The following MYRIP variants were observed in gnomAD, a reference collection of about 807,000 sequenced individuals.
MYRIP encodes myosin VIIA and Rab interacting protein.
A neutral mutation model predicts 98.0 loss-of-function variants in MYRIP; 49 were observed. That is an observed-to-expected ratio of 0.50 (90% CI 0.40 to 0.63). MYRIP has a LOEUF of 0.63. MYRIP is among the 30% of genes least tolerant of loss of function. The probability of loss-of-function intolerance (pLI) is 0.00; values close to 1 mark genes in which losing one functional copy is unlikely to be tolerated. For synonymous variants in MYRIP, 404 were observed against 409.5 expected, an observed-to-expected ratio of 0.99 and a Z score of 0.16; for missense variants, 1,004 against 1,058.2, an observed-to-expected ratio of 0.95 and a Z score of 0.71.
chr3:39,928,535 CA>C (rs1236972227), intron 2 of MYRIP, among the ~76,000 whole-genome samples: 1 of 150,992 alleles, frequency 6.6e-6, no homozygotes, highest in East Asian at 1.9e-4. Context: ...TTTAAAAAAA[CA>C]ATCAATGTAA....
chr3:39,834,562 A>T (rs975867969), intron 1 of MYRIP, among the ~76,000 whole-genome samples: 5 of 152,190 alleles, frequency 3.3e-5, no homozygotes, highest in Admixed American at 3.3e-4. Context: ...TTTGTAGTTC[A>T]TAGCAGTTGC....
At chr3:39,852,707 A>G (rs1358043976) in intron 1 of MYRIP, among the ~76,000 whole-genome samples, 1 of 151,924 alleles carries the variant, frequency 6.6e-6, no homozygotes, top group Non-Finnish European at 1.5e-5. Flanking sequence ...TGTGAATGCC[A>G]CTATTTCTTC....
intron 8 of MYRIP, among the ~76,000 whole-genome samples, chr3:40,178,226 T>C (rs1950811046): frequency 6.6e-6 from 1 of 152,224 alleles, no homozygotes; most frequent in Non-Finnish European, 1.5e-5. Flanking sequence ...ATAGCAATCA[T>C]AGCAACAATC....
At chr3:40,111,845 G>C (rs1489023890) in intron 3 of MYRIP, among the ~76,000 whole-genome samples, 1 of 152,174 alleles carries the variant, frequency 6.6e-6, no homozygotes, top group Non-Finnish European at 1.5e-5. Context: ...TTATTTCCAG[G>C]AGTTGAAGAG....
At chr3:40,160,975 C>T (rs907843421) in intron 4 of MYRIP, among the ~76,000 whole-genome samples, 24 of 152,338 alleles carry the variant, frequency 1.6e-4, no homozygotes, top group Admixed American at 1.2e-3. Flanking sequence ...GCGTCGCTCA[C>T]GCTGGGAGCT....
intron 2 of MYRIP, among the ~76,000 whole-genome samples, chr3:39,992,358 T>TAAA (rs1946200737): frequency 6.6e-6 from 1 of 152,182 alleles, no homozygotes; most frequent in South Asian, 2.1e-4. Context: ...CTGTCATCAT[T>TAAA]AGCAGGTGCT....
intron 12 of MYRIP, among the ~76,000 whole-genome samples, chr3:40,238,325 C>T (rs1156840778): frequency 6.6e-6 from 1 of 152,200 alleles, no homozygotes; most frequent in East Asian, 1.9e-4. Context: ...TCTGCTGCTC[C>T]CGGATGGAAT....
intron 1 of MYRIP, among the ~76,000 whole-genome samples, chr3:39,826,248 A>G (rs1449109247): frequency 6.6e-6 from 1 of 151,684 alleles, no homozygotes; most frequent in Non-Finnish European, 1.5e-5. Flanking sequence ...CTTGAGATAC[A>G]TCGTTAGGTT....
intron 2 of MYRIP, among the ~76,000 whole-genome samples, chr3:39,999,673 T>G (rs925619012): frequency 1.4e-4 from 22 of 152,314 alleles, no homozygotes; most frequent in African/African-American, 5.3e-4. Context: ...ATCCCATTAC[T>G]GGGTATATAC....
chr3:40,034,045 T>A (rs1457089248), intron 2 of MYRIP, among the ~76,000 whole-genome samples: 1 of 152,104 alleles, frequency 6.6e-6, no homozygotes, highest in Non-Finnish European at 1.5e-5. Flanking sequence ...CTGGATCCTT[T>A]CCTTACACCT....
chr3:40,110,745 G>A (rs1445418528), intron 3 of MYRIP, among the ~76,000 whole-genome samples: 3 of 152,046 alleles, frequency 2.0e-5, no homozygotes, highest in Non-Finnish European at 4.4e-5. Flanking sequence ...TCACTCCACA[G>A]CTTCACTGCA....
At chr3:39,905,748 T>C (rs891236021) in intron 2 of MYRIP, among the ~76,000 whole-genome samples, 7 of 152,356 alleles carry the variant, frequency 4.6e-5, no homozygotes, top group African/African-American at 1.4e-4. Context: ...ATAGTTACGA[T>C]TGAAAATATT....
intron 4 of MYRIP, among the ~76,000 whole-genome samples, chr3:40,155,263 T>C (rs1174990727): frequency 2.0e-5 from 3 of 151,816 alleles, no homozygotes; most frequent in Non-Finnish European, 2.9e-5. Flanking sequence ...GTTCCTGCCA[T>C]AGTTTACTGA....
At chr3:39,851,969 G>A (rs940780186) in intron 1 of MYRIP, among the ~76,000 whole-genome samples, 7 of 152,132 alleles carry the variant, frequency 4.6e-5, no homozygotes, top group Non-Finnish European at 8.8e-5. Context: ...GAGAGTGACT[G>A]AGGAGAGCCA....
intron 1 of MYRIP, among the ~76,000 whole-genome samples, chr3:39,890,274 A>G (rs1379973667): frequency 6.6e-6 from 1 of 151,974 alleles, no homozygotes; most frequent in Non-Finnish European, 1.5e-5. Context: ...CTTCTCGTGC[A>G]TGCCTTTTGG....
chr3:40,006,724 C>T (rs187517601), intron 2 of MYRIP, among the ~76,000 whole-genome samples: 106 of 152,324 alleles, frequency 7.0e-4, no homozygotes, highest in African/African-American at 2.3e-3. Context: ...CCAGAAAATT[C>T]TGTATTTGCA....
chr3:40,234,651 A>G (rs1441938533), intron 12 of MYRIP, among the ~76,000 whole-genome samples: 1 of 152,206 alleles, frequency 6.6e-6, no homozygotes, highest in Non-Finnish European at 1.5e-5. Flanking sequence ...GGTTGCCAGA[A>G]GAACTGAAGT....
At chr3:40,221,201 G>A (rs1952327845) in intron 11 of MYRIP, among the ~76,000 whole-genome samples, 1 of 152,032 alleles carries the variant, frequency 6.6e-6, no homozygotes, top group Non-Finnish European at 1.5e-5. Context: ...TTCAACAAAT[G>A]TTTATTGAGT....
intron 10 of MYRIP, among the ~76,000 whole-genome samples, chr3:40,199,271 T>G (rs1386003092): frequency 6.6e-6 from 1 of 152,158 alleles, no homozygotes; most frequent in Admixed American, 6.5e-5. Context: ...TGGGGGTTGC[T>G]TCTCATAATG....
Sources: gnomAD v4.1 joint callset for allele counts (sites outside exome capture counted in the v4.1 genomes callset) on GRCh38, gnomAD v4.1.1 for gene constraint, MANE v1.5 for transcripts, NCBI Gene and HGNC (gene_info 2026-07-23, HGNC 2026-07-21) for gene names.